Variants in DPY19L4 observed in about 807,000 individuals in gnomAD.
DPY19L4 encodes dpy-19 like 4.
DPY19L4 carries 97 observed loss-of-function variants against 102.8 expected under a neutral mutation model. The observed-to-expected ratio is 0.94, with a 90% CI of 0.80 to 1.12. The LOEUF (loss-of-function observed/expected upper bound fraction) is 1.12, where lower values mean the gene tolerates loss of function less well. Among genes scored for constraint, DPY19L4 ranks in the 50% most tolerant of loss-of-function variants. The probability of loss-of-function intolerance (pLI) is 0.00; values close to 1 mark genes in which losing one functional copy is unlikely to be tolerated. For synonymous variants in DPY19L4, 252 were observed against 283.1 expected, an observed-to-expected ratio of 0.89 and a Z score of 1.10; for missense variants, 815 against 850.4, an observed-to-expected ratio of 0.96 and a Z score of 0.52.
intron 1 of DPY19L4, among the ~76,000 whole-genome samples, chr8:94,724,622 C>T (rs1020668033): frequency 6.6e-6 from 1 of 151,964 alleles, no homozygotes; most frequent in Admixed American, 6.6e-5. Flanking sequence ...CGGAGTCTCC[C>T]TCTGTCACCA....
chr8:94,734,081 A>G (rs1811087705), intron 2 of DPY19L4, among the ~76,000 whole-genome samples: 1 of 135,176 alleles, frequency 7.4e-6, no homozygotes, highest in Non-Finnish European at 1.6e-5. Flanking sequence ...TTTTTTTGAG[A>G]CGGAATCTTG....
intron 8 of DPY19L4, among the ~76,000 whole-genome samples, chr8:94,762,042 C>T (rs573006036): frequency 7.2e-5 from 11 of 152,224 alleles, no homozygotes; most frequent in Admixed American, 7.2e-4. Flanking sequence ...TGATATGAGC[C>T]TGAAAGTTTC....
chr8:94,752,854 A>T (rs1431887912), intron 6 of DPY19L4, among the ~76,000 whole-genome samples: 12 of 151,434 alleles, frequency 7.9e-5, no homozygotes, highest in Middle Eastern at 3.4e-3. Context: ...TTTAATAGAG[A>T]CAGGGTTTCA....
chr8:94,781,067 T>TA lies in DPY19L4; in HGVS notation c.1633-17_1633-16insA, dbSNP rs1813407785. On this transcript the variant is annotated splice_polypyrimidine_tract_variant and intron_variant, in intron 15 of 18. Coordinates refer to ENST00000414645, the MANE Select transcript of DPY19L4 (RefSeq NM_181787.3). The stretch of plus-strand genomic sequence containing the variant: ...TACATCTTTTGGGGATTTTTTTTTT[T>TA]TTTTTTTGCATTTTAGTTTTTTCCC... 1 of 1,545,702 alleles carries TA rather than the reference T, an allele frequency of 6.5e-7. No individual in the cohort carries two copies. Among genetic ancestry groups the TA allele is most frequent in the Non-Finnish European group, 8.7e-7 (1 of 1,148,368 alleles).
chr8:94,755,669 T>C (rs372064939), intron 6 of DPY19L4, among the ~76,000 whole-genome samples: 3 of 151,652 alleles, frequency 2.0e-5, no homozygotes, highest in Middle Eastern at 3.5e-3. Context: ...TCGAGGCGGG[T>C]GGATCACCTG....
rs1283759337 is a variant in DPY19L4 at position 94,764,681 on chromosome 8, C to CTGTGTGTGTG, written c.871-493_871-492insGTGTGTGTGT. ...TGTATGTATGCGTGTGTGTGTGTGT[C>CTGTGTGTGTG]TGTGTGTGTATATATATATATATAT... On this transcript the variant is annotated intron_variant, in intron 8 of 18. Coordinates refer to ENST00000414645, the MANE Select transcript of DPY19L4 (RefSeq NM_181787.3). Among the ~76,000 whole-genome samples the CTGTGTGTGTG allele has an allele frequency of 8.0e-3, 555 of 69,438 alleles. 13 individuals carry two copies. The highest frequency in any genetic ancestry group is 9.6e-3 in the African/African-American group (162 of 16,916). 45.6% of individuals were successfully genotyped at this position (69,438 alleles called of 152,430 possible).
chr8:94,779,321 C>G (rs1309493691), intron 14 of DPY19L4, among the ~76,000 whole-genome samples: 1 of 142,096 alleles, frequency 7.0e-6, no homozygotes, highest in African/African-American at 2.6e-5. Context: ...TTTCTTTTCT[C>G]TTTTTTTTTT....
rs1297010708 is a variant in DPY19L4, at chr8:94,765,166, T to C, written c.871-17T>C. The C allele has an allele frequency of 1.4e-6, 2 of 1,408,036 alleles. No individual in the cohort carries two copies. Among genetic ancestry groups the C allele is most frequent in the Non-Finnish European group, 2.0e-6 (2 of 1,021,444 alleles). The allele number at this position is 1,408,036 out of a possible 1,614,324, so 87.2% of individuals were successfully genotyped here. ...AAATATAACTTATTCTCACTTATTTTATTTTTGTCACAACAGGTTTATGAA... is the reference window on the plus strand; with the variant it reads ...AAATATAACTTATTCTCACTTATTTCATTTTTGTCACAACAGGTTTATGAA... On this transcript the variant is annotated splice_polypyrimidine_tract_variant and intron_variant, in intron 8 of 18. Transcript: ENST00000414645.
intron 1 of DPY19L4, among the ~76,000 whole-genome samples, chr8:94,725,731 G>T (rs547220728): frequency 3.9e-5 from 6 of 152,244 alleles, no homozygotes; most frequent in African/African-American, 1.4e-4. Context: ...CGCCTTCTGG[G>T]TTCACGCCAT....
chr8:94,742,404 T>C (rs1811485164), intron 6 of DPY19L4, among the ~76,000 whole-genome samples: 1 of 152,056 alleles, frequency 6.6e-6, no homozygotes, highest in Non-Finnish European at 1.5e-5. Context: ...TTTTTTACTT[T>C]CTTTTTGAGA....
At chr8:94,782,725 G>C (rs1324667647) in intron 16 of DPY19L4, among the ~76,000 whole-genome samples, 1 of 152,092 alleles carries the variant, frequency 6.6e-6, no homozygotes. Flanking sequence ...ATAATGTCTT[G>C]TTACTATAAC....
In DPY19L4 at chr8:94,768,449, A is replaced by G; in HGVS notation, c.1230A>G (p.Gln410=). The G allele has an allele frequency of 6.2e-7, 1 of 1,609,862 alleles. No homozygotes were observed. The highest frequency in any genetic ancestry group is 8.5e-7 in the Non-Finnish European group (1 of 1,178,660). ...LCQESLQAPS[Q]DFFLRLTQSS... ...AAGAATCCCTGCAGGCACCATCTCA[A>G]GATTTTTTTCTGCGATTGACACAGT... The change falls in exon 12 of 19, where the codon CAA becomes CAG. Residue 410 remains glutamine (Q), a synonymous_variant. Transcript: ENST00000414645.
chr8:94,750,760 C>T (rs551449774), intron 6 of DPY19L4, among the ~76,000 whole-genome samples: 1 of 151,642 alleles, frequency 6.6e-6, no homozygotes, highest in Admixed American at 6.6e-5. Context: ...ATATAATAAA[C>T]ATATCCATCA....
chr8:94,746,404 A>G (rs1811676196), intron 6 of DPY19L4, among the ~76,000 whole-genome samples: 1 of 152,216 alleles, frequency 6.6e-6, no homozygotes, highest in South Asian at 2.1e-4. Context: ...AATTTATAAT[A>G]GTAATATAGT....
chr8:94,787,891 CA>C lies in DPY19L4; in HGVS notation c.1849-2del, dbSNP rs1813720590. On this transcript the variant is annotated splice_acceptor_variant, in intron 17 of 18. Transcript: ENST00000414645. LOFTEE classifies it high-confidence loss of function. ...CAGTTTTATTTTAATTATATTCTTT[CA>C]GATCTACCAAATCTATTCAAAGCGA... is the stretch of plus-strand genomic sequence containing the variant. 3.0e-6 allele frequency: 4 copies of C among 1,346,796 alleles called. No homozygotes were observed. In the East Asian group the frequency reaches 1.2e-4, roughly 39 times the overall value. 83.4% of individuals were successfully genotyped at this position (1,346,796 alleles called of 1,614,324 possible).
intron 11 of DPY19L4, among the ~76,000 whole-genome samples, chr8:94,767,515 G>C (rs1019827514): frequency 2.0e-5 from 3 of 151,976 alleles, no homozygotes; most frequent in Admixed American, 6.6e-5. Context: ...GGATGGCCTC[G>C]ATCTCCTGAC....
intron 11 of DPY19L4, among the ~76,000 whole-genome samples, chr8:94,767,011 A>C (rs1812704170): frequency 6.6e-6 from 1 of 151,190 alleles, no homozygotes; most frequent in African/African-American, 2.4e-5. Flanking sequence ...TGGAGGTCAT[A>C]GTGAGCCAAG....
chr8:94,749,246 C>A (rs1811813684), intron 6 of DPY19L4, among the ~76,000 whole-genome samples: 1 of 152,196 alleles, frequency 6.6e-6, no homozygotes. Flanking sequence ...TATCACCCCA[C>A]ATCCACGGAT....
At chr8:94,759,493 A>G (rs982702223) in intron 7 of DPY19L4, among the ~76,000 whole-genome samples, 1 of 136,614 alleles carries the variant, frequency 7.3e-6, no homozygotes, top group Non-Finnish European at 1.5e-5. Context: ...TGCCTGGTCT[A>G]CATGTTCTTT....
Sources: gnomAD v4.1 joint callset for allele counts (sites outside exome capture counted in the v4.1 genomes callset) on GRCh38, gnomAD v4.1.1 for gene constraint, MANE v1.5 for transcripts, NCBI Gene and HGNC (gene_info 2026-07-23, HGNC 2026-07-21) for gene names.